LRRC4C: variants seen among roughly 807,000 people sequenced by gnomAD.
The protein encoded by LRRC4C is leucine-rich repeat-containing protein 4C.
Under a neutral mutation model 33.6 loss-of-function variants are expected in LRRC4C, and 5 were observed. The observed-to-expected ratio is 0.15, with a 90% confidence interval of 0.08 to 0.31. The LOEUF (loss-of-function observed/expected upper bound fraction) is 0.31, where lower values mean the gene tolerates loss of function less well. LRRC4C is among the 10% of genes least tolerant of loss of function. The pLI, the probability that LRRC4C is intolerant of heterozygous loss-of-function variation, is 1.00. For missense variants in LRRC4C, 560 were observed against 796.7 expected (o/e 0.70, Z 3.58); for synonymous variants, 329 against 302.0 (o/e 1.09, Z -0.93).
chr11:40,947,031 G>A (rs531525508), intron 1 of LRRC4C, among the ~76,000 whole-genome samples: 9 of 152,170 alleles, frequency 5.9e-5, no homozygotes, highest in East Asian at 3.9e-4. Flanking sequence ...GGGTATAAGC[G>A]AAGTTAAGGC....
chr11:41,167,313 G>A (rs1944774652), intron 1 of LRRC4C, among the ~76,000 whole-genome samples: 1 of 152,170 alleles, frequency 6.6e-6, no homozygotes. Flanking sequence ...ATTCCTCTGA[G>A]CAGGAGGTGG....
intron 1 of LRRC4C, among the ~76,000 whole-genome samples, chr11:41,175,884 C>A (rs1312066584): frequency 3.9e-5 from 6 of 152,136 alleles, no homozygotes; most frequent in Non-Finnish European, 1.5e-5. Context: ...CTTTCTGACT[C>A]GATCTCCTTT....
chr11:40,249,575 CAT>C (rs1011973958), intron 4 of LRRC4C, among the ~76,000 whole-genome samples: 74 of 149,354 alleles, frequency 5.0e-4, no homozygotes, highest in African/African-American at 1.8e-3. Flanking sequence ...TACATATAAT[CAT>C]ATATGTATAT....
intron 1 of LRRC4C, among the ~76,000 whole-genome samples, chr11:41,260,910 C>G (rs1333195699): frequency 6.6e-6 from 1 of 152,000 alleles, no homozygotes; most frequent in East Asian, 1.9e-4. Flanking sequence ...TAGATCTTCC[C>G]CTAGTCTTCA....
At chr11:40,153,311 C>G (rs575350459) in intron 5 of LRRC4C, among the ~76,000 whole-genome samples, 7 of 152,278 alleles carry the variant, frequency 4.6e-5, no homozygotes, top group African/African-American at 1.7e-4. Flanking sequence ...CTTAGACCTT[C>G]CCTTTGACAG....
At chr11:40,585,839 A>T (rs1958709485) in intron 3 of LRRC4C, among the ~76,000 whole-genome samples, 1 of 135,784 alleles carries the variant, frequency 7.4e-6, no homozygotes, top group African/African-American at 2.7e-5. Context: ...TCCATGGTGT[A>T]TATGTGCCAA....
chr11:40,971,127 C>A (rs757106702), intron 1 of LRRC4C, among the ~76,000 whole-genome samples: 24 of 152,146 alleles, frequency 1.6e-4, no homozygotes, highest in Non-Finnish European at 3.5e-4. Flanking sequence ...AAGATGGCTT[C>A]AGAAATTCAC....
At chr11:40,619,053 C>T (rs963061559) in intron 3 of LRRC4C, among the ~76,000 whole-genome samples, 1 of 151,656 alleles carries the variant, frequency 6.6e-6, no homozygotes, top group African/African-American at 2.4e-5. Context: ...GAAAGACAAA[C>T]ATCACATGTT....
Position 41,069,498 on chromosome 11 carries a change from T to C in LRRC4C, c.-495-135775A>G, listed in dbSNP as rs530553428. ...TCAAATTGTCTGTTTGCAGATGGCA[T>C]GACTGTTTATTTAGAAAACCACATC... is the stretch of plus-strand genomic sequence containing the variant. On this transcript the variant is annotated intron_variant, in intron 1 of 6. Coordinates refer to ENST00000528697, the MANE Select transcript of LRRC4C (RefSeq NM_001258419.2). 3.9e-5 allele frequency among the ~76,000 whole-genome samples: 6 copies of C among 152,334 alleles called. No individual in the cohort carries two copies. The South Asian group carries it at 1.2e-3, about 32-fold the overall frequency.
At chr11:40,899,670 TG>T (rs1956124188) in intron 2 of LRRC4C, among the ~76,000 whole-genome samples, 1 of 152,180 alleles carries the variant, frequency 6.6e-6, no homozygotes, top group Admixed American at 6.5e-5. Flanking sequence ...GAAGGCTGCA[TG>T]GTGATTGCAC....
intron 3 of LRRC4C, among the ~76,000 whole-genome samples, chr11:40,592,113 A>G (rs1342250121): frequency 6.6e-6 from 1 of 152,244 alleles, no homozygotes; most frequent in African/African-American, 2.4e-5. Flanking sequence ...GGATGAAAGT[A>G]CAATGATGGG....
chr11:40,383,905 C>T (rs566110035), intron 3 of LRRC4C, among the ~76,000 whole-genome samples: 5 of 113,720 alleles, frequency 4.4e-5, no homozygotes, highest in African/African-American at 8.8e-5. Flanking sequence ...GGCTCCCTTG[C>T]TTATTTTTAA....
intron 1 of LRRC4C, among the ~76,000 whole-genome samples, chr11:41,036,036 G>T (rs1048662543): frequency 6.6e-6 from 1 of 150,686 alleles, no homozygotes; most frequent in Non-Finnish European, 1.5e-5. Context: ...GGAGAAATTG[G>T]CTAAAACTTC....
rs199778124 is a variant in LRRC4C at position 40,991,079 on chromosome 11, C to CAA, written c.-495-57358_-495-57357dup. 6.4e-3 allele frequency among the ~76,000 whole-genome samples: 801 copies of CAA among 124,802 alleles called. 6 individuals are homozygous for CAA. Among genetic ancestry groups the CAA allele is most frequent in the African/African-American group, 0.02 (601 of 30,322 alleles). 81.9% of individuals were successfully genotyped at this position (124,802 alleles called of 152,430 possible). ...AGAAAATAACAAAGTGAGTCTATTA[C>CAA]AAAAAAAAAAAAAAGAAAATGGACA... On this transcript the variant is annotated intron_variant, in intron 1 of 6. Transcript: ENST00000528697.
chr11:40,577,193 C>T (rs1485899085), intron 3 of LRRC4C, among the ~76,000 whole-genome samples: 1 of 152,134 alleles, frequency 6.6e-6, no homozygotes, highest in Non-Finnish European at 1.5e-5. Context: ...AAAAGAGCAA[C>T]CCAAAATTAA....
In LRRC4C at chr11:40,951,026, A is replaced by G. The variant is rs541557393; in HGVS notation, c.-495-17303T>C. ...ACACGATGCACCCAGATAAGCTCCTACTATCCAATATCCTTCCCATAAGGT... is the reference window on the plus strand; with the variant it reads ...ACACGATGCACCCAGATAAGCTCCTGCTATCCAATATCCTTCCCATAAGGT... On this transcript the variant is annotated intron_variant, in intron 1 of 6. Coordinates refer to ENST00000528697, the MANE Select transcript of LRRC4C (RefSeq NM_001258419.2). Among the ~76,000 whole-genome samples the G allele has an allele frequency of 7.2e-5, 11 of 152,052 alleles. No homozygotes were observed. The East Asian group carries it at 2.1e-3, about 30-fold the overall frequency.
intron 1 of LRRC4C, among the ~76,000 whole-genome samples, chr11:41,249,035 T>C (rs1373480327): frequency 6.9e-6 from 1 of 144,802 alleles, no homozygotes; most frequent in Non-Finnish European, 1.5e-5. Context: ...TAAGATACTG[T>C]CTTCTTTTTT....
intron 2 of LRRC4C, among the ~76,000 whole-genome samples, chr11:40,781,002 A>G (rs182426183): frequency 2.6e-5 from 4 of 152,280 alleles, no homozygotes; most frequent in Admixed American, 2.6e-4. Context: ...ATTGGGAAAT[A>G]GGCAATTTTG....
At chr11:40,585,788 C>A (rs867543835) in intron 3 of LRRC4C, among the ~76,000 whole-genome samples, 12 of 138,042 alleles carry the variant, frequency 8.7e-5, no homozygotes, top group African/African-American at 1.8e-4. Flanking sequence ...CATGTCCCTA[C>A]AAAGGATATG....
Sources: allele counts gnomAD v4.1 joint callset (sites outside exome capture counted in the v4.1 genomes callset), GRCh38; gene constraint gnomAD v4.1.1; transcripts MANE v1.5; gene names NCBI Gene and HGNC (gene_info 2026-07-23, HGNC 2026-07-21).